Variants in VPS13B observed in about 807,000 individuals in gnomAD.
The protein encoded by VPS13B is vacuolar protein sorting 13 homolog B, also known as intermembrane lipid transfer protein VPS13B.
Under a neutral mutation model 426.4 loss-of-function variants are expected in VPS13B, and 285 were observed. The observed-to-expected ratio is 0.67, with a 90% CI of 0.61 to 0.74. VPS13B has a LOEUF of 0.74. VPS13B is among the 30% of genes least tolerant of loss of function. The pLI is 0.00. For missense variants in VPS13B, 4,537 were observed against 4,782.6 expected (o/e 0.95, Z 1.51); for synonymous variants, 1,676 against 1,676.4 (o/e 1.00, Z 0.01).
intron 21 of VPS13B, among the ~76,000 whole-genome samples, chr8:99,422,808 C>G (rs1166328120): frequency 6.6e-6 from 1 of 152,094 alleles, no homozygotes; most frequent in African/African-American, 2.4e-5. Flanking sequence ...CCATTTTTCC[C>G]TCCTCAGAGG....
chr8:99,374,650 CA>C (rs1354803831), intron 19 of VPS13B, among the ~76,000 whole-genome samples: 2 of 151,934 alleles, frequency 1.3e-5, no homozygotes, highest in East Asian at 3.9e-4. Context: ...TGTTTATGTC[CA>C]AAAAAATACA....
intron 19 of VPS13B, among the ~76,000 whole-genome samples, chr8:99,285,436 T>C (rs759748518): frequency 1.3e-5 from 2 of 152,156 alleles, no homozygotes; most frequent in Non-Finnish European, 2.9e-5. Context: ...GAGTAAATAG[T>C]AGCTTCATTA....
At chr8:99,419,383 C>A (rs1040280036) in intron 21 of VPS13B, among the ~76,000 whole-genome samples, 2 of 152,116 alleles carry the variant, frequency 1.3e-5, no homozygotes, top group Non-Finnish European at 2.9e-5. Flanking sequence ...TCAGTTAGTT[C>A]TTTATAGCAG....
At chr8:99,783,919 T>C (rs751347626) in intron 42 of VPS13B, among the ~76,000 whole-genome samples, 1 of 152,190 alleles carries the variant, frequency 6.6e-6, no homozygotes, top group Non-Finnish European at 1.5e-5. Flanking sequence ...TTGGTCTTGA[T>C]TGTTGAGTTT....
chr8:99,583,353 T>G (rs1435256539), intron 33 of VPS13B, among the ~76,000 whole-genome samples: 1 of 152,182 alleles, frequency 6.6e-6, no homozygotes, highest in Non-Finnish European at 1.5e-5. Flanking sequence ...TATTAAGTAT[T>G]ATTATTTACT....
At chr8:99,350,142 T>C (rs993306140) in intron 19 of VPS13B, among the ~76,000 whole-genome samples, 1 of 151,898 alleles carries the variant, frequency 6.6e-6, no homozygotes, top group African/African-American at 2.4e-5. Flanking sequence ...GTCAAGATGA[T>C]GGCTTTTCAA....
chr8:99,036,551 A>G (rs900053963), intron 2 of VPS13B, among the ~76,000 whole-genome samples: 14 of 152,142 alleles, frequency 9.2e-5, no homozygotes, highest in African/African-American at 2.9e-4. Flanking sequence ...AATTGAAACT[A>G]TCTTGCTTAT....
chr8:99,281,409 CA>C (rs886806772), intron 19 of VPS13B, among the ~76,000 whole-genome samples: 1 of 152,186 alleles, frequency 6.6e-6, no homozygotes, highest in Non-Finnish European at 1.5e-5. Flanking sequence ...ACTGTCTATT[CA>C]GAGATGTTCT....
intron 20 of VPS13B, among the ~76,000 whole-genome samples, chr8:99,390,583 G>T (rs770760742): frequency 9.2e-5 from 14 of 151,992 alleles, no homozygotes; most frequent in African/African-American, 1.9e-4. Flanking sequence ...GAGGCTTAAG[G>T]TTGGATCTAT....
At position 99,571,850 on chromosome 8, in the gene VPS13B, TA is replaced by T. The variant is rs1279252116; in HGVS notation, c.4950-3807del. ...CTACTCACCAGATCTCTTAATTCTT[TA>T]GAATTGACTTTCTTGAAATCCAATA... On this transcript the variant is annotated intron_variant, in intron 31 of 61. Coordinates refer to ENST00000357162, the MANE Select transcript of VPS13B (RefSeq NM_152564.5). Among the ~76,000 whole-genome samples the T allele has an allele frequency of 2.0e-5, 3 of 152,322 alleles. No homozygotes were observed. The East Asian group carries it at 5.8e-4, about 29-fold the overall frequency.
intron 54 of VPS13B, among the ~76,000 whole-genome samples, chr8:99,846,184 C>G (rs1815973262): frequency 1.3e-5 from 2 of 152,236 alleles, no homozygotes; most frequent in Admixed American, 6.5e-5. Context: ...CTGAAGAAAA[C>G]ACACACAAAA....
chr8:99,737,102 CCTT>C, intron 39 of VPS13B, among the ~76,000 whole-genome samples: 1 of 85,734 alleles, frequency 1.2e-5, no homozygotes, highest in South Asian at 3.4e-4. Flanking sequence ...TTGAAGATGT[CCTT>C]CTTTTTTTTT....
chr8:99,559,245 A>G (rs908578991), intron 31 of VPS13B, among the ~76,000 whole-genome samples: 6 of 152,068 alleles, frequency 3.9e-5, no homozygotes, highest in African/African-American at 9.7e-5. Flanking sequence ...CCACTTTTTG[A>G]TGGGGTTATT....
intron 29 of VPS13B, among the ~76,000 whole-genome samples, chr8:99,519,502 T>G (rs1277189039): frequency 6.6e-6 from 1 of 152,122 alleles, no homozygotes; most frequent in African/African-American, 2.4e-5. Flanking sequence ...CACATGCACA[T>G]GTATGTTTGT....
intron 17 of VPS13B, among the ~76,000 whole-genome samples, chr8:99,247,550 G>A (rs1185332864): frequency 6.6e-6 from 1 of 152,088 alleles, no homozygotes; most frequent in Admixed American, 6.5e-5. Flanking sequence ...TTTACTGGTA[G>A]TGTAGTCATA....
chr8:99,582,192 A>G (rs1304544231), intron 33 of VPS13B, among the ~76,000 whole-genome samples: 2 of 152,098 alleles, frequency 1.3e-5, no homozygotes, highest in African/African-American at 4.8e-5. Context: ...AGGCCCAATT[A>G]TATAATCATG....
At chr8:99,851,026 A>G (rs1157692547) in intron 55 of VPS13B, among the ~76,000 whole-genome samples, 2 of 152,254 alleles carry the variant, frequency 1.3e-5, no homozygotes, top group East Asian at 3.8e-4. Flanking sequence ...AATTTATAAT[A>G]TTTCAAACAA....
intron 6 of VPS13B, among the ~76,000 whole-genome samples, chr8:99,111,708 C>G (rs1847379590): frequency 6.6e-6 from 1 of 152,074 alleles, no homozygotes; most frequent in Non-Finnish European, 1.5e-5. Flanking sequence ...ATATACTAAC[C>G]TAATAGTTTA....
At chr8:99,837,919 C>T (rs1394941109) in intron 54 of VPS13B, among the ~76,000 whole-genome samples, 4 of 152,192 alleles carry the variant, frequency 2.6e-5, no homozygotes, top group Non-Finnish European at 5.9e-5. Context: ...CCATAAAATG[C>T]CCATTATGCT....
Sources: gnomAD v4.1 joint callset for allele counts (sites outside exome capture counted in the v4.1 genomes callset) on GRCh38, gnomAD v4.1.1 for gene constraint, MANE v1.5 for transcripts, NCBI Gene and HGNC (gene_info 2026-07-23, HGNC 2026-07-21) for gene names.